CHSY3: variants seen among roughly 807,000 people sequenced by gnomAD.
The protein encoded by CHSY3 is N-acetylgalactosaminyl-proteoglycan 3-beta-glucuronosyltransferase 3.
Under a neutral mutation model 67.2 loss-of-function variants are expected in CHSY3, and 35 were observed. That is an observed-to-expected ratio of 0.52 (90% CI 0.40 to 0.69). CHSY3 has a LOEUF of 0.69. Ranked by LOEUF, CHSY3 falls within the 30% of genes least tolerant of loss-of-function variation. The pLI is 0.00. For missense variants in CHSY3, 1,069 were observed against 1,138.5 expected, an observed-to-expected ratio of 0.94 and a Z score of 0.88; for synonymous variants, 474 against 434.7, an observed-to-expected ratio of 1.09 and a Z score of -1.12.
chr5:130,136,587 A>T (rs1405357811), intron 2 of CHSY3, among the ~76,000 whole-genome samples: 1 of 152,164 alleles, frequency 6.6e-6, no homozygotes, highest in Non-Finnish European at 1.5e-5. Context: ...AATGGAAAGA[A>T]AATAATAGTT....
At chr5:130,082,509 A>G (rs1766475905) in intron 2 of CHSY3, among the ~76,000 whole-genome samples, 1 of 152,062 alleles carries the variant, frequency 6.6e-6, no homozygotes, top group South Asian at 2.1e-4. Flanking sequence ...TTAACGATGT[A>G]AGCACGGAAT....
intron 2 of CHSY3, among the ~76,000 whole-genome samples, chr5:130,064,840 G>T (rs943253748): frequency 6.6e-6 from 1 of 152,156 alleles, no homozygotes; most frequent in Non-Finnish European, 1.5e-5. Context: ...AATATGATTT[G>T]CTTTTCCTTT....
chr5:130,099,073 A>G (rs755255797), intron 2 of CHSY3, among the ~76,000 whole-genome samples: 1 of 152,196 alleles, frequency 6.6e-6, no homozygotes, highest in Non-Finnish European at 1.5e-5. Flanking sequence ...TGTAATTGAT[A>G]TAACATATTG....
intron 2 of CHSY3, among the ~76,000 whole-genome samples, chr5:130,089,309 A>G (rs1766791387): frequency 6.6e-6 from 1 of 151,726 alleles, no homozygotes; most frequent in African/African-American, 2.4e-5. Context: ...CCAGCATGGC[A>G]CATGTATACA....
intron 2 of CHSY3, among the ~76,000 whole-genome samples, chr5:130,015,165 TC>T (rs1484888770): frequency 7.2e-5 from 11 of 152,082 alleles, no homozygotes; most frequent in African/African-American, 2.7e-4. Context: ...GTGTGGCACT[TC>T]CCCCTTCACT....
chr5:130,102,613 A>C (rs1389194197), intron 2 of CHSY3, among the ~76,000 whole-genome samples: 1 of 152,058 alleles, frequency 6.6e-6, no homozygotes, highest in African/African-American at 2.4e-5. Context: ...CATTACCTCT[A>C]TGTAAACACA....
intron 2 of CHSY3, among the ~76,000 whole-genome samples, chr5:130,150,473 A>G (rs560455495): frequency 5.3e-5 from 8 of 152,288 alleles, no homozygotes; most frequent in African/African-American, 1.9e-4. Context: ...TGTAAATAGA[A>G]ATAATATTGT....
chr5:130,042,558 G>GT (rs1159775924), intron 2 of CHSY3, among the ~76,000 whole-genome samples: 3 of 151,970 alleles, frequency 2.0e-5, no homozygotes, highest in African/African-American at 7.2e-5. Context: ...TTCAGTATTT[G>GT]TTTTTTGTTA....
intron 2 of CHSY3, among the ~76,000 whole-genome samples, chr5:129,932,783 A>G (rs1184736160): frequency 6.6e-6 from 1 of 152,118 alleles, no homozygotes; most frequent in Non-Finnish European, 1.5e-5. Context: ...CATATTGAGA[A>G]TTTCTAAGGC....
At chr5:129,932,604 G>A (rs576727766) in intron 2 of CHSY3, among the ~76,000 whole-genome samples, 98 of 152,108 alleles carry the variant, frequency 6.4e-4, no homozygotes, top group African/African-American at 2.2e-3. Context: ...CTAAAGTCCA[G>A]CATCAACTTC....
chr5:130,050,009 T>C (rs781776440), intron 2 of CHSY3, among the ~76,000 whole-genome samples: 2 of 152,176 alleles, frequency 1.3e-5, no homozygotes, highest in African/African-American at 2.4e-5. Flanking sequence ...TTCAACACTT[T>C]AAAGACACCA....
chr5:130,172,004 A>G (rs187830339), intron 2 of CHSY3, among the ~76,000 whole-genome samples: 445 of 152,262 alleles, frequency 2.9e-3, no homozygotes, highest in Non-Finnish European at 3.9e-3. Flanking sequence ...TGCTGTGTTC[A>G]GTGCTCTCAA....
chr5:129,987,871 G>A (rs900205592), intron 2 of CHSY3, among the ~76,000 whole-genome samples: 3 of 152,156 alleles, frequency 2.0e-5, no homozygotes, highest in African/African-American at 2.4e-5. Context: ...TCTCGCTGCA[G>A]TTGTGGCTCT....
intron 2 of CHSY3, among the ~76,000 whole-genome samples, chr5:129,978,858 T>G (rs1363205848): frequency 6.6e-6 from 1 of 152,106 alleles, no homozygotes; most frequent in East Asian, 1.9e-4. Context: ...TTATTTATAC[T>G]AAATAATTAA....
chr5:129,911,314 A>G (rs1554069098), intron 2 of CHSY3, among the ~76,000 whole-genome samples: 2 of 152,142 alleles, frequency 1.3e-5, no homozygotes, highest in Non-Finnish European at 2.9e-5. Flanking sequence ...GTAAAAGAGA[A>G]AGAGAGAGAA....
intron 2 of CHSY3, among the ~76,000 whole-genome samples, chr5:129,921,866 G>C (rs571255961): frequency 6.6e-6 from 1 of 151,690 alleles, no homozygotes; most frequent in Non-Finnish European, 1.5e-5. Flanking sequence ...TCACTGTTTC[G>C]GTTATTTTAA....
chr5:130,119,103 C>T (rs1231324829), intron 2 of CHSY3, among the ~76,000 whole-genome samples: 1 of 152,104 alleles, frequency 6.6e-6, no homozygotes, highest in Non-Finnish European at 1.5e-5. Context: ...TCTACCTTAA[C>T]CCCTAGATGA....
chr5:130,119,618 C>T (rs78682998), intron 2 of CHSY3, among the ~76,000 whole-genome samples: 2 of 152,158 alleles, frequency 1.3e-5, no homozygotes, highest in Non-Finnish European at 2.9e-5. Context: ...ATCTTCCCTT[C>T]ATAGAGGTTC....
At chr5:129,983,298 G>A (rs1375440795) in intron 2 of CHSY3, among the ~76,000 whole-genome samples, 1 of 152,004 alleles carries the variant, frequency 6.6e-6, no homozygotes, top group African/African-American at 2.4e-5. Flanking sequence ...TGTGGCAGTG[G>A]TAATTCTTTA....
Sources: gnomAD v4.1 joint callset for allele counts (sites outside exome capture counted in the v4.1 genomes callset) on GRCh38, gnomAD v4.1.1 for gene constraint, MANE v1.5 for transcripts, NCBI Gene and HGNC (gene_info 2026-07-23, HGNC 2026-07-21) for gene names.